RNASET2: variants seen among roughly 807,000 people sequenced by gnomAD.
RNASET2 encodes the protein ribonuclease 6.
A neutral mutation model predicts 33.9 loss-of-function variants in RNASET2; 28 were observed. The observed-to-expected ratio is 0.83, with a 90% CI of 0.61 to 1.13. RNASET2 has a LOEUF of 1.13. Ranked by LOEUF, RNASET2 falls within the 50% of genes most tolerant of loss-of-function variation. RNASET2 has a pLI of 0.00. For synonymous variants in RNASET2, 123 were observed against 121.0 expected (o/e 1.02, Z -0.11); for missense variants, 330 against 319.9 (o/e 1.03, Z -0.24).
intron 8 of RNASET2, 100 bp from the exon 9 acceptor site, chr6:166,929,891 G>C: frequency 2.6e-6 from 3 of 1,154,610 alleles, no homozygotes; most frequent in Non-Finnish European, 3.8e-6. Context: ...GATAACAAAA[G>C]CAGAGGCTCC....
At chr6:166,945,389 GGAGGA>G (rs1322058457) in intron 4 of RNASET2, 12 of 154,986 alleles carry the variant, frequency 7.7e-5, no homozygotes, top group African/African-American at 2.9e-4. Context: ...AGTGAGTCCC[GGAGGA>G]GAGGAGGAGA....
chr6:166,952,605 A>T (rs545841243), intron 1 of RNASET2, 57 bp from the exon 2 acceptor site: 58 of 1,345,988 alleles, frequency 4.3e-5, no homozygotes, highest in South Asian at 2.1e-4. Context: ...TACAGAAAAA[A>T]TTCATCCACC....
chr6:166,928,620 A>G lies in RNASET2; in HGVS notation c.*968T>C, dbSNP rs1276587406. 6.6e-6 allele frequency among the ~76,000 whole-genome samples: 1 copy of G among 152,230 alleles called. No individual in the cohort carries two copies. Among genetic ancestry groups the G allele is most frequent in the Non-Finnish European group, 1.5e-5 (1 of 68,046 alleles). On this transcript the variant is annotated 3_prime_UTR_variant, in exon 9 of 9. Coordinates refer to ENST00000508775, the MANE Select transcript of RNASET2 (RefSeq NM_003730.6). ...AACAGAGAAAAGGATTTAAAGAGAG[A>G]AGAGGCCAGGAGACGCGGGAGAAGA...
chr6:166,944,831 C>G (rs1402229693), intron 4 of RNASET2, among the ~76,000 whole-genome samples: 1 of 152,092 alleles, frequency 6.6e-6, no homozygotes, highest in Non-Finnish European at 1.5e-5. Context: ...TGGCTGTTAA[C>G]ACGGGGCTCC....
chr6:166,943,767 AG>A, intron 4 of RNASET2: 1 of 470,466 alleles, frequency 2.1e-6, no homozygotes, highest in Non-Finnish European at 4.4e-6. Flanking sequence ...GGGAGAGTTG[AG>A]GGGGAAGGGA....
At chr6:166,950,709 C>T (rs57237533) in intron 2 of RNASET2, among the ~76,000 whole-genome samples, 26,562 of 152,088 alleles carry the variant, frequency 0.17, 2,928 homozygotes, top group African/African-American at 0.32. Flanking sequence ...TGGACACTGA[C>T]GCACTGAAGG....
At chr6:166,931,293 C>T (rs1361392818) in intron 7 of RNASET2, 175 bp from the exon 8 acceptor site, 2 of 637,050 alleles carry the variant, frequency 3.1e-6, no homozygotes, top group Admixed American at 4.9e-5. Context: ...GCAGAGGATG[C>T]TGTCAACCTG....
intron 5 of RNASET2, among the ~76,000 whole-genome samples, chr6:166,939,417 T>C (rs554050889): frequency 9.8e-5 from 15 of 152,326 alleles, no homozygotes; most frequent in Admixed American, 7.8e-4. Flanking sequence ...GGTAGGCATG[T>C]CATTTCTTTT....
At chr6:166,930,477 A>G (rs1317407827) in intron 8 of RNASET2, among the ~76,000 whole-genome samples, 1 of 150,852 alleles carries the variant, frequency 6.6e-6, no homozygotes, top group East Asian at 2.0e-4. Context: ...ACACACACAC[A>G]CACACGCACA....
chr6:166,938,719 A>T (rs1272931509), intron 6 of RNASET2, 176 bp downstream of exon 6: 1 of 771,292 alleles, frequency 1.3e-6, no homozygotes, highest in African/African-American at 1.7e-5. Flanking sequence ...TGATCTGGAA[A>T]GGCTTGGTAG....
At chr6:166,947,406 C>A (rs1778874765) in intron 3 of RNASET2, among the ~76,000 whole-genome samples, 1 of 152,200 alleles carries the variant, frequency 6.6e-6, no homozygotes, top group South Asian at 2.1e-4. Flanking sequence ...CCCCTCAGAG[C>A]CCCAAAGAGG....
At chr6:166,956,055 C>T in intron 1 of RNASET2, 42 bp downstream of exon 1, 1 of 1,533,890 alleles carries the variant, frequency 6.5e-7, no homozygotes, top group Non-Finnish European at 8.8e-7. Context: ...GCTCTAGGGC[C>T]CGGCTCCCAC....
At chr6:166,955,499 C>T (rs1328872212) in intron 1 of RNASET2, 22 of 986,704 alleles carry the variant, frequency 2.2e-5, no homozygotes, top group Non-Finnish European at 2.6e-5. Context: ...TTTCACCACC[C>T]GCCGCAGTGA....
intron 2 of RNASET2, 142 bp downstream of exon 2, chr6:166,952,346 C>T: frequency 1.3e-6 from 1 of 768,182 alleles, no homozygotes; most frequent in Non-Finnish European, 2.4e-6. Flanking sequence ...GAGGCAGTCT[C>T]TGCAGGAGAC....
At chr6:166,943,820 A>T in intron 4 of RNASET2, 1 of 462,794 alleles carries the variant, frequency 2.2e-6, no homozygotes, top group South Asian at 1.6e-5. Context: ...CTGTAAACCT[A>T]TAACTGTTCT....
At chr6:166,942,038 A>G (rs1475950332) in intron 5 of RNASET2, among the ~76,000 whole-genome samples, 2 of 149,588 alleles carry the variant, frequency 1.3e-5, no homozygotes, top group East Asian at 3.9e-4. Context: ...GCATGAGATC[A>G]TCATTTTAGA....
rs58837223 is a variant in RNASET2, at chr6:166,927,713, C to CA, written c.*1874dup. Among the ~76,000 whole-genome samples the CA allele has an allele frequency of 0.059, 2,733 of 46,704 alleles. 64 individuals are homozygous for CA. The highest frequency in any genetic ancestry group is 0.11 in the Middle Eastern group (7 of 62). 30.6% of individuals were successfully genotyped at this position (46,704 alleles called of 152,430 possible). A position where few individuals can be genotyped will look rare whatever the true frequency, so the allele number is the denominator to read the frequency against. ...TGATCCCTGTGTTCGCAAAATGACT[C>CA]AAAAAAAAAAAAAAAAAAAAAAAGA... is the stretch of plus-strand genomic sequence containing the variant. On this transcript the variant is annotated 3_prime_UTR_variant, in exon 9 of 9. Coordinates refer to ENST00000508775, the MANE Select transcript of RNASET2 (RefSeq NM_003730.6).
chr6:166,949,857 C>T (rs549798871), intron 2 of RNASET2, among the ~76,000 whole-genome samples: 32 of 152,296 alleles, frequency 2.1e-4, no homozygotes, highest in African/African-American at 7.5e-4. Flanking sequence ...ACTGAGAACC[C>T]GACAGGCAGA....
intron 6 of RNASET2, among the ~76,000 whole-genome samples, chr6:166,936,918 T>C (rs952322332): frequency 6.6e-6 from 1 of 152,240 alleles, no homozygotes; most frequent in Non-Finnish European, 1.5e-5. Context: ...TTTCTCTGTT[T>C]GATTAAATGA....
Sources: gnomAD v4.1 joint callset for allele counts (sites outside exome capture counted in the v4.1 genomes callset) on GRCh38, gnomAD v4.1.1 for gene constraint, MANE v1.5 for transcripts, NCBI Gene and HGNC (gene_info 2026-07-23, HGNC 2026-07-21) for gene names.